TAF4B: variants seen among roughly 807,000 people sequenced by gnomAD.
TAF4B encodes the protein transcription initiation factor TFIID subunit 4B.
A neutral mutation model predicts 86.4 loss-of-function variants in TAF4B; 38 were observed. The observed-to-expected ratio is 0.44, with a 90% CI of 0.34 to 0.58. TAF4B has a LOEUF of 0.58. Among genes scored for constraint, TAF4B ranks in the 20% least tolerant of loss-of-function variants. The pLI is 0.02. For missense variants in TAF4B, 988 were observed against 1,027.6 expected, an observed-to-expected ratio of 0.96 and a Z score of 0.53; for synonymous variants, 388 against 391.2, an observed-to-expected ratio of 0.99 and a Z score of 0.10.
At chr18:26,324,861 T>A (rs2056991813) in intron 11 of TAF4B, among the ~76,000 whole-genome samples, 1 of 152,358 alleles carries the variant, frequency 6.6e-6, no homozygotes, top group African/African-American at 2.4e-5. Flanking sequence ...CACCATTATT[T>A]TGTAGACTTT....
At chr18:26,364,548 A>G (rs968920424) in intron 14 of TAF4B, among the ~76,000 whole-genome samples, 1 of 152,124 alleles carries the variant, frequency 6.6e-6, no homozygotes, top group Non-Finnish European at 1.5e-5. Context: ...TCCTGTGTTA[A>G]TTAGAGATCC....
At chr18:26,308,163 A>G (rs967757728) in intron 9 of TAF4B, among the ~76,000 whole-genome samples, 1 of 151,992 alleles carries the variant, frequency 6.6e-6, no homozygotes, top group African/African-American at 2.4e-5. Flanking sequence ...CTGAGGCGGG[A>G]GAATGACCTG....
chr18:26,311,846 A>G (rs918475877), intron 9 of TAF4B, among the ~76,000 whole-genome samples: 13 of 139,334 alleles, frequency 9.3e-5, no homozygotes, highest in South Asian at 2.2e-4. Flanking sequence ...TTACTTTAGA[A>G]GAAGTAGTCT....
chr18:26,351,601 GT>G (rs1176833024), intron 13 of TAF4B, among the ~76,000 whole-genome samples: 9 of 152,018 alleles, frequency 5.9e-5, no homozygotes, highest in Admixed American at 2.6e-4. Context: ...ACATCACTAA[GT>G]ACCCATAAAT....
intron 1 of TAF4B, among the ~76,000 whole-genome samples, chr18:26,233,350 G>T (rs750512814): frequency 6.6e-6 from 1 of 152,150 alleles, no homozygotes; most frequent in Non-Finnish European, 1.5e-5. Context: ...TAGCGGTGGG[G>T]GCGCTGCTGC....
At chr18:26,320,199 A>G (rs1270408829) in intron 10 of TAF4B, among the ~76,000 whole-genome samples, 2 of 152,238 alleles carry the variant, frequency 1.3e-5, no homozygotes, top group African/African-American at 2.4e-5. Flanking sequence ...ATTCATGTGT[A>G]TATGTTAAAA....
chr18:26,257,858 T>C lies in TAF4B; in HGVS notation c.344-7312T>C, dbSNP rs1348389442. The stretch of plus-strand genomic sequence containing the variant: ...CTCTGCGTGCGTGTGTGTGTGTGTG[T>C]GTGTGTGTGTGTGTGTGTGTGTGTG... On this transcript the variant is annotated intron_variant, in intron 1 of 14. Transcript: ENST00000269142. Among the ~76,000 whole-genome samples, 4 of 135,450 alleles carry C rather than the reference T, an allele frequency of 3.0e-5. No homozygotes were observed. In the East Asian group the frequency reaches 8.0e-4, roughly 27 times the overall value. 88.9% of individuals were successfully genotyped at this position (135,450 alleles called of 152,430 possible).
rs1455647680 is a variant in TAF4B at position 26,286,204 on chromosome 18, A to G, written c.1295A>G (p.Gln432Arg). 1 of 1,614,248 alleles carries G rather than the reference A, an allele frequency of 6.2e-7. No individual in the cohort carries two copies. Among genetic ancestry groups the G allele is most frequent in the Non-Finnish European group, 8.5e-7 (1 of 1,180,044 alleles). The change falls in exon 7 of 15, where the codon CAG becomes CGG. Residue 432 changes from glutamine (Q) to arginine (R), a missense_variant. Around this residue, in one of 3 missense-constraint regions of TAF4B, gnomAD observed 747 missense variants for 737.9 expected, o/e 1.01. Transcript: ENST00000269142. ...ACAACAGCTGGAACTGGTTTGCTTC[A>G]GACTTCAAAACCACTTGTGACATCT... is the stretch of plus-strand genomic sequence containing the variant. ...GGTTAGTGLL[Q>R]TSKPLVTSVA...
intron 1 of TAF4B, among the ~76,000 whole-genome samples, chr18:26,257,792 C>T (rs1315703266): frequency 6.6e-6 from 1 of 150,984 alleles, no homozygotes; most frequent in African/African-American, 2.4e-5. Context: ...TTCAGTGAGA[C>T]AGAGAAGCCC....
intron 1 of TAF4B, among the ~76,000 whole-genome samples, chr18:26,238,493 T>C (rs1484383946): frequency 6.6e-6 from 1 of 152,114 alleles, no homozygotes; most frequent in Non-Finnish European, 1.5e-5. Context: ...TGGGCAAAAA[T>C]TATGTCTGAT....
chr18:26,369,734 C>T (rs1347860602), intron 14 of TAF4B, among the ~76,000 whole-genome samples: 4 of 152,210 alleles, frequency 2.6e-5, no homozygotes, highest in Admixed American at 6.5e-5. Flanking sequence ...TACAGCTGAA[C>T]ATGAACTGTT....
intron 3 of TAF4B, among the ~76,000 whole-genome samples, chr18:26,273,697 C>T (rs1390150110): frequency 6.6e-6 from 1 of 152,202 alleles, no homozygotes; most frequent in African/African-American, 2.4e-5. Context: ...ACTTGTCCTT[C>T]TTCCCATTTT....
At chr18:26,233,992 C>T (rs1046940099) in intron 1 of TAF4B, among the ~76,000 whole-genome samples, 2 of 152,174 alleles carry the variant, frequency 1.3e-5, no homozygotes, top group African/African-American at 4.8e-5. Flanking sequence ...GATGAATGTT[C>T]TCAATACCTA....
intron 14 of TAF4B, among the ~76,000 whole-genome samples, chr18:26,389,513 A>G (rs1281065031): frequency 1.3e-5 from 2 of 152,244 alleles, no homozygotes; most frequent in Non-Finnish European, 2.9e-5. Context: ...TTCACTCTCA[A>G]AAGATTTGTG....
intron 1 of TAF4B, among the ~76,000 whole-genome samples, chr18:26,246,549 T>C (rs1424049602): frequency 6.6e-6 from 1 of 151,978 alleles, no homozygotes; most frequent in Non-Finnish European, 1.5e-5. Flanking sequence ...GGTTTTTTTT[T>C]TCTGGATGGA....
chr18:26,227,363 A>AC, intron 1 of TAF4B, 87 bp downstream of exon 1: 1 of 1,199,742 alleles, frequency 8.3e-7, no homozygotes, highest in Non-Finnish European at 1.2e-6. Flanking sequence ...TCCTAAAAAA[A>AC]CTGAGCCACG....
In TAF4B at chr18:26,303,752, T is replaced by C. The variant is rs977771647; in HGVS notation, c.1832+10221T>C. Among the ~76,000 whole-genome samples, 3 of 151,600 alleles carry C rather than the reference T, an allele frequency of 2.0e-5. No homozygotes were observed. In the East Asian group the frequency reaches 5.8e-4, roughly 30 times the overall value. On this transcript the variant is annotated intron_variant, in intron 9 of 14. Transcript: ENST00000269142. Reference sequence around the variant, plus strand: ...TTGCTATTCCCTATACATTTAATGATCAACTTGTTAAATTCTACCAGTAAT... The same window carrying C: ...TTGCTATTCCCTATACATTTAATGACCAACTTGTTAAATTCTACCAGTAAT...
At chr18:26,287,629 G>A (rs768334541) in intron 7 of TAF4B, among the ~76,000 whole-genome samples, 7 of 152,162 alleles carry the variant, frequency 4.6e-5, no homozygotes, top group Non-Finnish European at 7.4e-5. Context: ...TATCTTCTAC[G>A]ATAACAGAGC....
intron 1 of TAF4B, among the ~76,000 whole-genome samples, chr18:26,250,496 C>CAA (rs9304494): frequency 2.2e-5 from 3 of 135,622 alleles, no homozygotes; most frequent in Non-Finnish European, 4.8e-5. Flanking sequence ...GACTCCATCT[C>CAA]AAAAAAAAAA....
Sources: allele counts gnomAD v4.1 joint callset (sites outside exome capture counted in the v4.1 genomes callset), GRCh38; gene constraint gnomAD v4.1.1; regional missense constraint gnomAD v4.1.1; transcripts MANE v1.5; gene names NCBI Gene and HGNC (gene_info 2026-07-23, HGNC 2026-07-21).